The following LRRC39 variants were observed in gnomAD, a reference collection of about 807,000 sequenced individuals.
LRRC39 encodes leucine rich repeat containing 39.
A neutral mutation model predicts 39.7 loss-of-function variants in LRRC39; 35 were observed. The observed-to-expected ratio is 0.88, with a 90% CI of 0.67 to 1.17. The LOEUF (loss-of-function observed/expected upper bound fraction) is 1.17. Among genes scored for constraint, LRRC39 ranks in the 50% most tolerant of loss-of-function variants. The probability of loss-of-function intolerance (pLI) is 0.00; values close to 1 mark genes in which losing one functional copy is unlikely to be tolerated. For missense variants in LRRC39, 357 were observed against 385.8 expected (o/e 0.93, Z 0.62); for synonymous variants, 113 against 134.1 (o/e 0.84, Z 1.09).
intron 2 of LRRC39, among the ~76,000 whole-genome samples, chr1:100,172,209 C>T (rs1659662218): frequency 6.6e-6 from 1 of 152,134 alleles, no homozygotes; most frequent in East Asian, 1.9e-4. Context: ...ATAGAATGAA[C>T]TCTTCCTGAG....
chr1:100,151,514 T>A (rs1038036102), intron 9 of LRRC39, among the ~76,000 whole-genome samples: 1 of 152,200 alleles, frequency 6.6e-6, no homozygotes, highest in Non-Finnish European at 1.5e-5. Flanking sequence ...AAAAACTCTG[T>A]CATTGTCTTC....
At chr1:100,174,743 G>A (rs1252802420) in intron 1 of LRRC39, among the ~76,000 whole-genome samples, 1 of 152,206 alleles carries the variant, frequency 6.6e-6, no homozygotes, top group Non-Finnish European at 1.5e-5. Flanking sequence ...TTATCTTGAT[G>A]TCCTTAAAGT....
Position 100,152,399 on chromosome 1 carries a change from G to C in LRRC39, c.938C>G (p.Ser313Ter), listed in dbSNP as rs1658112429. ...AAATCTTATACCTGCTCTTCTCCGT[G>C]ACTCTTGTATGTATGTGTGCATAAA... ...LQFMHTYIQE[S>*]RRRADHQVNG... The change falls in exon 9 of 10, where the codon TCA becomes TGA. Residue 313 changes from serine (S) to a stop codon, truncating the protein, a stop_gained. Transcript: ENST00000370137. LOFTEE classifies it low-confidence loss of function (END_TRUNC). 3.1e-6 allele frequency: 5 copies of C among 1,613,542 alleles called. No homozygotes were observed. Among genetic ancestry groups the C allele is most frequent in the Non-Finnish European group, 4.2e-6 (5 of 1,179,862 alleles).
rs1458898770 is a variant in LRRC39 at position 100,158,170 on chromosome 1, C to G, written c.513+61G>C. ...AGTTTTATTATTGTTAACAACCACA[C>G]ATTGAGTGGTCAACTACTGCAGATG... On this transcript the variant is annotated intron_variant, in intron 6 of 9. Coordinates refer to ENST00000370137, the MANE Select transcript of LRRC39 (RefSeq NM_144620.4). 3 of 1,536,076 alleles carry G rather than the reference C, an allele frequency of 2.0e-6. No individual in the cohort carries two copies. In the African/African-American group the frequency reaches 4.1e-5, roughly 21 times the overall value.
At chr1:100,159,560 T>TG in intron 4 of LRRC39, 145 bp from the exon 5 acceptor site, 1 of 523,534 alleles carries the variant, frequency 1.9e-6, no homozygotes, top group Non-Finnish European at 3.1e-6. Context: ...CCAAGTGCTT[T>TG]GTGTGACTTC....
intron 9 of LRRC39, among the ~76,000 whole-genome samples, chr1:100,150,774 T>C (rs911933118): frequency 7.2e-5 from 11 of 152,186 alleles, no homozygotes; most frequent in African/African-American, 2.7e-4. Context: ...AAACCTCTTC[T>C]TGAACTTCAG....
At position 100,170,750 on chromosome 1, in the gene LRRC39, A is replaced by G. The variant is rs535674704; in HGVS notation, c.-78-2156T>C. Among the ~76,000 whole-genome samples the G allele has an allele frequency of 1.8e-4, 27 of 151,030 alleles. No individual in the cohort carries two copies. The South Asian group carries it at 5.0e-3, about 28-fold the overall frequency. ...CTCTTTTGAGACAGGGTCTCACTCT[A>G]TCACCCAGGCTACAATATAGTGGCG... is the stretch of plus-strand genomic sequence containing the variant. On this transcript the variant is annotated intron_variant, in intron 2 of 9. Coordinates refer to ENST00000370137, the MANE Select transcript of LRRC39 (RefSeq NM_144620.4).
intron 3 of LRRC39, 55 bp from the exon 4 acceptor site, chr1:100,160,626 C>CTTTT: frequency 1.6e-5 from 18 of 1,117,866 alleles, no homozygotes; most frequent in African/African-American, 3.3e-5. Flanking sequence ...GTGGCATTCA[C>CTTTT]TTTTTTTTTT....
intron 7 of LRRC39, 88 bp downstream of exon 7, chr1:100,156,084 T>C: frequency 7.9e-7 from 1 of 1,270,394 alleles, no homozygotes; most frequent in Non-Finnish European, 1.1e-6. Context: ...TGATTGATTA[T>C]GCTTGAGATC....
chr1:100,154,920 G>A (rs1215136137), intron 8 of LRRC39, 131 bp downstream of exon 8: 1 of 791,368 alleles, frequency 1.3e-6, no homozygotes, highest in Non-Finnish European at 1.9e-6. Context: ...GTCAACATTG[G>A]AAAAGATTTT....
At chr1:100,158,856 GAA>G (rs59271444) in intron 5 of LRRC39, among the ~76,000 whole-genome samples, 1 of 141,116 alleles carries the variant, frequency 7.1e-6, no homozygotes. Flanking sequence ...CGTGCAATAG[GAA>G]AAAAAAAAAA....
At position 100,156,178 on chromosome 1, in the gene LRRC39, A is replaced by T. The variant is rs550288285; in HGVS notation, c.653T>A (p.Ile218Lys). ...AAAGAGTTATTTCTTTTACCTTTCTATAGTATCAGGAAGTTGTTCAAGTTT... is the reference window on the plus strand; with the variant it reads ...AAAGAGTTATTTCTTTTACCTTTCTTTAGTATCAGGAAGTTGTTCAAGTTT... ...SNKLEQLPDT[I>K]ERMQNLHTLW... The change falls in exon 7 of 10, where the codon ATA becomes AAA. Residue 218 changes from isoleucine (I) to lysine (K), a missense_variant. Transcript: ENST00000370137. The T allele has an allele frequency of 1.9e-6, 3 of 1,612,662 alleles. No homozygotes were observed. The East Asian group carries it at 6.7e-5, about 36-fold the overall frequency.
chr1:100,152,820 G>C (rs755018348), intron 8 of LRRC39, among the ~76,000 whole-genome samples: 49 of 152,112 alleles, frequency 3.2e-4, no homozygotes, highest in Non-Finnish European at 1.0e-4. Flanking sequence ...TCCACCTCCC[G>C]GGTTCAAGTG....
At chr1:100,175,034 C>A (rs1238210515) in intron 1 of LRRC39, among the ~76,000 whole-genome samples, 1 of 150,346 alleles carries the variant, frequency 6.7e-6, no homozygotes, top group Non-Finnish European at 1.5e-5. Context: ...CCTTGCGGGA[C>A]GCAGGCTTCC....
At position 100,160,502 on chromosome 1, in the gene LRRC39, T is replaced by C; in HGVS notation, c.183A>G (p.Gly61=). 6.2e-7 allele frequency: 1 copy of C among 1,614,046 alleles called. No homozygotes were observed. Among genetic ancestry groups the C allele is most frequent in the Admixed American group, 1.7e-5 (1 of 60,004 alleles). ...CTTTTTCTATCTTCAAAATGACTCT[T>C]CCATCTTCCCTGGTGACCTTTTCTC... ...KLREKVTRED[G]RVILKIEKEE... is the part of the protein sequence containing the mutation. Residue 61 remains glycine (G), a synonymous_variant, in exon 4 of 10, where the codon GGA becomes GGG. Transcript: ENST00000370137.
chr1:100,179,436 A>G (rs940309370), upstream of LRRC39, among the ~76,000 whole-genome samples: 1 of 133,858 alleles, frequency 7.5e-6, no homozygotes, highest in Non-Finnish European at 1.6e-5. Flanking sequence ...CCAAGATGGT[A>G]GGATCACTTG....
At chr1:100,160,755 GCC>G (rs1351446970) in intron 3 of LRRC39, among the ~76,000 whole-genome samples, 184 bp from the exon 4 acceptor site, 1 of 151,656 alleles carries the variant, frequency 6.6e-6, no homozygotes, top group East Asian at 1.9e-4. Context: ...CTCCCGAGTA[GCC>G]AGGATTACAG....
At chr1:100,168,974 A>G (rs1659423463) in intron 2 of LRRC39, among the ~76,000 whole-genome samples, 1 of 152,114 alleles carries the variant, frequency 6.6e-6, no homozygotes, top group South Asian at 2.1e-4. Context: ...CAATCTAATC[A>G]GGACACCATA....
At chr1:100,175,811 C>T (rs1439429258) in intron 1 of LRRC39, among the ~76,000 whole-genome samples, 1 of 152,136 alleles carries the variant, frequency 6.6e-6, no homozygotes, top group African/African-American at 2.4e-5. Context: ...TTGTGCTCCA[C>T]CTTAATAAAA....
Sources: gnomAD v4.1 joint callset for allele counts (sites outside exome capture counted in the v4.1 genomes callset) on GRCh38, gnomAD v4.1.1 for gene constraint, MANE v1.5 for transcripts, NCBI Gene and HGNC (gene_info 2026-07-23, HGNC 2026-07-21) for gene names.